Variants in CCDC62 observed in about 807,000 individuals in gnomAD.
The protein encoded by CCDC62 is coiled-coil domain-containing protein 62.
A neutral mutation model predicts 80.8 loss-of-function variants in CCDC62; 72 were observed. The observed-to-expected ratio is 0.89, with a 90% CI of 0.74 to 1.08. CCDC62 has a LOEUF of 1.08. Among genes scored for constraint, CCDC62 ranks in the 50% least tolerant of loss-of-function variants. The pLI is 0.00. For missense variants in CCDC62, 704 were observed against 809.4 expected, an observed-to-expected ratio of 0.87 and a Z score of 1.58; for synonymous variants, 286 against 296.5, an observed-to-expected ratio of 0.96 and a Z score of 0.36.
At chr12:122,812,744 A>G (rs1593826570) in intron 10 of CCDC62, among the ~76,000 whole-genome samples, 1 of 128,770 alleles carries the variant, frequency 7.8e-6, no homozygotes, top group Non-Finnish European at 1.6e-5. Context: ...AAAGAAAGAG[A>G]GAGAGAGGGA....
At position 122,790,827 on chromosome 12, in the gene CCDC62, C is replaced by G. The variant is rs1173955255; in HGVS notation, c.671-1193C>G. ...GTAGGAGCTCCACCCTGAGTCACCT[C>G]GTTAGCATGTAGTCTGGTGTAATCA... On this transcript the variant is annotated intron_variant, in intron 5 of 12. Transcript: ENST00000253079. Among the ~76,000 whole-genome samples the G allele has an allele frequency of 2.0e-5, 3 of 152,086 alleles. No homozygotes were observed. The East Asian group carries it at 5.8e-4, about 29-fold the overall frequency.
chr12:122,777,972 G>A (rs1879585132), intron 2 of CCDC62, among the ~76,000 whole-genome samples: 1 of 152,250 alleles, frequency 6.6e-6, no homozygotes, highest in South Asian at 2.1e-4. Flanking sequence ...TATGAATGAA[G>A]ATGCCATATG....
At chr12:122,783,097 A>G (rs530057098) in intron 3 of CCDC62, among the ~76,000 whole-genome samples, 1 of 139,126 alleles carries the variant, frequency 7.2e-6, no homozygotes, top group East Asian at 2.4e-4. Context: ...AAAGAGCGAG[A>G]CTCCTTGTCA....
intron 6 of CCDC62, among the ~76,000 whole-genome samples, chr12:122,796,926 C>T (rs1468213588): frequency 6.8e-6 from 1 of 147,018 alleles, no homozygotes; most frequent in Non-Finnish European, 1.5e-5. Flanking sequence ...GTCATCCAGG[C>T]TGGAGTGCAG....
At chr12:122,783,201 CTTGT>C (rs1157413138) in intron 3 of CCDC62, among the ~76,000 whole-genome samples, 1 of 150,626 alleles carries the variant, frequency 6.6e-6, no homozygotes, top group Non-Finnish European at 1.5e-5. Flanking sequence ...AGAAAGCCAG[CTTGT>C]TTATTTGTTA....
At chr12:122,787,949 T>A (rs2030371517) in intron 4 of CCDC62, among the ~76,000 whole-genome samples, 1 of 152,168 alleles carries the variant, frequency 6.6e-6, no homozygotes, top group Non-Finnish European at 1.5e-5. Context: ...TTAGAACGGT[T>A]ATTTTTTGCT....
At chr12:122,819,461 C>T (rs1320277179) in intron 11 of CCDC62, among the ~76,000 whole-genome samples, 2 of 152,194 alleles carry the variant, frequency 1.3e-5, no homozygotes, top group East Asian at 1.9e-4. Flanking sequence ...GAAGAACTGA[C>T]GCTTTGACAA....
intron 7 of CCDC62, among the ~76,000 whole-genome samples, chr12:122,797,761 C>T (rs1593802421): frequency 1.3e-5 from 2 of 151,838 alleles, no homozygotes; most frequent in South Asian, 2.1e-4. Context: ...AGGCTGGTCT[C>T]GAACTCCTGA....
intron 3 of CCDC62, among the ~76,000 whole-genome samples, chr12:122,782,846 A>G (rs902429596): frequency 1.3e-5 from 2 of 151,008 alleles, no homozygotes; most frequent in Non-Finnish European, 3.0e-5. Flanking sequence ...GGTGGCTCAC[A>G]CCTATAATCC....
Position 122,812,777 on chromosome 12 carries a change from G to GAGAAAGAAAGAA in CCDC62, c.1852-451_1852-440dup, listed in dbSNP as rs71440217. ...GGAGGGAGAGAGAGAGAGAGAGAGAGAGAAAGAAAGAAAGAAAGAAAGAAA... is the reference window on the plus strand; with the variant it reads ...GGAGGGAGAGAGAGAGAGAGAGAGAGAGAAAGAAAGAAAGAAAGAAAGAAAGAAAGAAAGAAA... On this transcript the variant is annotated intron_variant, in intron 10 of 12. Transcript: ENST00000253079. 8.1e-3 allele frequency among the ~76,000 whole-genome samples: 466 copies of GAGAAAGAAAGAA among 57,620 alleles called. 17 individuals carry two copies. The highest frequency in any genetic ancestry group is 0.022 in the South Asian group (35 of 1,618). 37.8% of individuals were successfully genotyped at this position (57,620 alleles called of 152,430 possible).
Position 122,801,313 on chromosome 12 carries a change from G to C in CCDC62, c.1167G>C (p.Glu389Asp). The C allele has an allele frequency of 6.2e-7, 1 of 1,614,064 alleles. No individual in the cohort carries two copies. Among genetic ancestry groups the C allele is most frequent in the African/African-American group, 1.3e-5 (1 of 75,038 alleles). The change falls in exon 9 of 13, where the codon GAG becomes GAC. Residue 389 changes from glutamate (E) to aspartate (D), a missense_variant. Coordinates refer to ENST00000253079, the MANE Select transcript of CCDC62 (RefSeq NM_201435.5). ...AACAGATCGATACTGTGTTTGGGGAGAAAAGTGTAATTACGCTGTCATCCA... is the reference window on the plus strand; with the variant it reads ...AACAGATCGATACTGTGTTTGGGGACAAAAGTGTAATTACGCTGTCATCCA... ...KKQQIDTVFG[E>D]KSVITLSSIF...
rs1879844151 is a variant in CCDC62, at chr12:122,781,257, A to G, written c.323A>G (p.Gln108Arg). ...SNQMECQTAL[Q>R]KTQLQLQEMA... ...CAAATGGAATGCCAAACAGCTCTCC[A>G]AAAGACCCAACTACAGCTTCAGGAA... The change falls in exon 3 of 13, where the codon CAA becomes CGA. Residue 108 changes from glutamine (Q) to arginine (R), a missense_variant. Coordinates refer to ENST00000253079, the MANE Select transcript of CCDC62 (RefSeq NM_201435.5). 6.2e-7 allele frequency: 1 copy of G among 1,614,022 alleles called. No homozygotes were observed. The highest frequency in any genetic ancestry group is 1.7e-5 in the Admixed American group (1 of 59,990).
Position 122,806,288 on chromosome 12 carries a change from A to G in CCDC62, c.1844A>G (p.Asn615Ser), listed in dbSNP as rs754116643. ...LLIYKDAPAF[N>S]EKASIVLPSQ... The stretch of plus-strand genomic sequence containing the variant: ...ATCTACAAAGATGCACCAGCATTCA[A>G]TGAAAAGGTTCGTATTTTGCTTAGA... The change falls in exon 10 of 13, where the codon AAT (asparagine) becomes AGT (serine). Residue 615 changes from asparagine (N) to serine (S), a missense_variant. Transcript: ENST00000253079. The G allele has an allele frequency of 2.1e-5, 34 of 1,608,422 alleles. No individual in the cohort carries two copies. Among genetic ancestry groups the G allele is most frequent in the Non-Finnish European group, 2.7e-5 (32 of 1,176,582 alleles).
chr12:122,792,202 G>GT (rs760554062), intron 6 of CCDC62, 81 bp downstream of exon 6: 78,310 of 491,748 alleles, frequency 0.16, 1,409 homozygotes, highest in East Asian at 0.23. Context: ...TCCCAAAATG[G>GT]TTTTTTTTTT....
At chr12:122,808,462 A>AT (rs578014086) in intron 10 of CCDC62, among the ~76,000 whole-genome samples, 25 of 150,468 alleles carry the variant, frequency 1.7e-4, no homozygotes, top group East Asian at 1.9e-4. Context: ...GTATAGACAC[A>AT]TTTTTTTTTC....
rs187123272 is a variant in CCDC62 at position 122,813,162 on chromosome 12, G to A, written c.1852-108G>A. The A allele has an allele frequency of 4.9e-3, 5,999 of 1,217,166 alleles. 23 individuals carry two copies. Among genetic ancestry groups the A allele is most frequent in the Middle Eastern group, 6.6e-3 (26 of 3,944 alleles). The allele number at this position is 1,217,166 out of a possible 1,614,324, so 75.4% of individuals were successfully genotyped here. A position where few individuals can be genotyped will look rare whatever the true frequency, so the allele number is the denominator to read the frequency against. ...GCTGTGATTGTGCCACTGCACTTCA[G>A]CCTGGGCGTCAGAGCAAGAGAAAGA... On this transcript the variant is annotated intron_variant, in intron 10 of 12. Transcript: ENST00000253079.
At chr12:122,788,994 G>A in intron 5 of CCDC62, 65 bp downstream of exon 5, 1 of 1,295,848 alleles carries the variant, frequency 7.7e-7, no homozygotes, top group African/African-American at 1.5e-5. Context: ...TTTCATCTGG[G>A]TTCACTTAAT....
intron 11 of CCDC62, among the ~76,000 whole-genome samples, chr12:122,820,952 G>A (rs1406578578): frequency 1.3e-5 from 2 of 152,108 alleles, no homozygotes; most frequent in Non-Finnish European, 2.9e-5. Flanking sequence ...TGCCCCTGAG[G>A]AACTGTGAGG....
chr12:122,801,431 A>G lies in CCDC62; in HGVS notation c.1285A>G (p.Lys429Glu), dbSNP rs141048617. The G allele has an allele frequency of 3.7e-5, 60 of 1,613,590 alleles. No individual in the cohort carries two copies. In the African/African-American group the frequency reaches 6.5e-4, roughly 18 times the overall value. The change falls in exon 9 of 13, where the codon AAG (lysine) becomes GAG (glutamate). Residue 429 changes from lysine to glutamate, a missense_variant. Physicochemically the swap from Lys to Glu is moderately conservative, Grantham distance 56. Coordinates refer to ENST00000253079, the MANE Select transcript of CCDC62 (RefSeq NM_201435.5). ...IEPENKITLC[K>E]IHTKSPKCHG... ...ACCCGAAAACAAAATTACATTGTGC[A>G]AGATCCACACAAAATCACCAAAATG...
Sources: gnomAD v4.1 joint callset for allele counts (sites outside exome capture counted in the v4.1 genomes callset) on GRCh38, gnomAD v4.1.1 for gene constraint, MANE v1.5 for transcripts, NCBI Gene and HGNC (gene_info 2026-07-23, HGNC 2026-07-21) for gene names.